Variants in AP2B1 observed in about 807,000 individuals in gnomAD.
AP2B1 encodes the protein adaptor related protein complex 2 subunit beta 1.
A neutral mutation model predicts 102.0 loss-of-function variants in AP2B1; 23 were observed. That is an observed-to-expected ratio of 0.23 (90% CI 0.16 to 0.32). AP2B1 has a LOEUF of 0.32. AP2B1 is among the 10% of genes least tolerant of loss of function. The probability of loss-of-function intolerance (pLI) is 1.00; values close to 1 mark genes in which losing one functional copy is unlikely to be tolerated. For missense variants in AP2B1, 541 were observed against 1,157.4 expected, an observed-to-expected ratio of 0.47 and a Z score of 7.73; for synonymous variants, 381 against 421.2, an observed-to-expected ratio of 0.90 and a Z score of 1.17.
chr17:35,617,620 G>T (rs1757303519), intron 5 of AP2B1, among the ~76,000 whole-genome samples: 1 of 152,116 alleles, frequency 6.6e-6, no homozygotes, highest in South Asian at 2.1e-4. Context: ...TACGTTTAAA[G>T]TAGTTCTCAA....
intron 1 of AP2B1, among the ~76,000 whole-genome samples, chr17:35,591,705 A>G (rs1053966957): frequency 6.6e-6 from 1 of 152,250 alleles, no homozygotes; most frequent in African/African-American, 2.4e-5. Flanking sequence ...AAATAACTTC[A>G]GATTTATTCC....
At position 35,606,672 on chromosome 17, in the gene AP2B1, A is replaced by G. The variant is rs530047973; in HGVS notation, c.279+832A>G. 9.9e-5 allele frequency among the ~76,000 whole-genome samples: 15 copies of G among 152,246 alleles called. No individual in the cohort carries two copies. The South Asian group carries it at 1.7e-3, about 17-fold the overall frequency. On this transcript the variant is annotated intron_variant, in intron 4 of 21. Coordinates refer to ENST00000610402, the MANE Select transcript of AP2B1 (RefSeq NM_001030006.2). ...CCACTCTTGTTTGTAATCCTCATAC[A>G]TATTTTCTGACCTCCAACCCCCTCT...
intron 2 of AP2B1, chr17:35,597,078 G>A (rs564242941): frequency 3.6e-6 from 2 of 550,702 alleles, no homozygotes; most frequent in East Asian, 4.0e-5. Flanking sequence ...ACCCCTGGGC[G>A]CCCCCGCTCC....
intron 14 of AP2B1, among the ~76,000 whole-genome samples, chr17:35,666,084 G>T (rs2075458054): frequency 6.6e-6 from 1 of 152,064 alleles, no homozygotes; most frequent in African/African-American, 2.4e-5. Flanking sequence ...ATTGCCATTG[G>T]ACAGGGGCAT....
chr17:35,645,886 A>G (rs1186754117), intron 12 of AP2B1, among the ~76,000 whole-genome samples: 1 of 152,068 alleles, frequency 6.6e-6, no homozygotes, highest in African/African-American at 2.4e-5. Context: ...AAATGTCTAG[A>G]CGTTAGTAAT....
intron 4 of AP2B1, 102 bp downstream of exon 4, chr17:35,605,942 G>A: frequency 2.4e-5 from 37 of 1,510,404 alleles, no homozygotes; most frequent in Non-Finnish European, 3.1e-5. Context: ...GACTAGGAAT[G>A]TTCATGTTTT....
At chr17:35,659,764 C>T in intron 14 of AP2B1, 1 of 980,696 alleles carries the variant, frequency 1.0e-6, no homozygotes, top group Non-Finnish European at 1.2e-6. Flanking sequence ...GGTGTTACAG[C>T]CCCAGAAATT....
intron 9 of AP2B1, among the ~76,000 whole-genome samples, chr17:35,630,903 A>G (rs1001164618): frequency 2.0e-5 from 3 of 152,178 alleles, no homozygotes; most frequent in Non-Finnish European, 4.4e-5. Flanking sequence ...TAACTGTTTC[A>G]GCCATGAAGG....
intron 9 of AP2B1, 22 bp from the exon 10 acceptor site, chr17:35,636,319 T>G: frequency 6.3e-7 from 1 of 1,577,520 alleles, no homozygotes; most frequent in African/African-American, 1.3e-5. Flanking sequence ...TGACTTCTCA[T>G]TTTTTGTATT....
intron 14 of AP2B1, among the ~76,000 whole-genome samples, chr17:35,669,454 T>C (rs2075541469): frequency 6.6e-6 from 1 of 152,154 alleles, no homozygotes; most frequent in South Asian, 2.1e-4. Flanking sequence ...GGATGATCTT[T>C]TTATTTATTT....
chr17:35,700,805 C>T (rs967514600), intron 18 of AP2B1, among the ~76,000 whole-genome samples: 6 of 152,014 alleles, frequency 3.9e-5, no homozygotes, highest in African/African-American at 1.5e-4. Flanking sequence ...GTTGTTCTTT[C>T]CTTAGCAGCC....
intron 21 of AP2B1, 139 bp downstream of exon 21, chr17:35,717,488 C>G: frequency 4.2e-6 from 4 of 960,414 alleles, no homozygotes; most frequent in Non-Finnish European, 6.2e-6. Flanking sequence ...AATGAAGAAG[C>G]TTCCATTTGC....
rs967933811 is a variant in AP2B1 at position 35,599,991 on chromosome 17, G to A, written c.143+1656G>A. Among the ~76,000 whole-genome samples the A allele has an allele frequency of 1.1e-4, 16 of 152,122 alleles. No homozygotes were observed. In the South Asian group the frequency reaches 2.3e-3, roughly 22 times the overall value. On this transcript the variant is annotated intron_variant, in intron 3 of 21. Coordinates refer to ENST00000610402, the MANE Select transcript of AP2B1 (RefSeq NM_001030006.2). ...TCAAGTACAAAAAGTTTATCGATAC[G>A]GCTTCAGATTCTATATTGCAACTAA...
intron 19 of AP2B1, among the ~76,000 whole-genome samples, chr17:35,709,771 A>C (rs1453538755): frequency 3.9e-5 from 6 of 152,118 alleles, no homozygotes; most frequent in African/African-American, 1.5e-4. Context: ...AGTAATTTGT[A>C]ATAAACCGTC....
chr17:35,632,428 C>G (rs1033691410), intron 9 of AP2B1, among the ~76,000 whole-genome samples: 1 of 152,150 alleles, frequency 6.6e-6, no homozygotes, highest in African/African-American at 2.4e-5. Flanking sequence ...AGCCACTGCA[C>G]CCAGCCCTTG....
At chr17:35,666,485 G>T (rs1410166364) in intron 14 of AP2B1, among the ~76,000 whole-genome samples, 1 of 152,142 alleles carries the variant, frequency 6.6e-6, no homozygotes, top group Non-Finnish European at 1.5e-5. Context: ...TCAATTCTCA[G>T]TATTTGAAAT....
At position 35,717,321 on chromosome 17, in the gene AP2B1, G is replaced by A; in HGVS notation, c.2753G>A (p.Arg918His). Residue 918 changes from arginine to histidine, a missense_variant, in exon 21 of 22, where the codon CGT (arginine) becomes CAT (histidine). By Grantham distance (29) the Arg-to-His change is conservative. Coordinates refer to ENST00000610402, the MANE Select transcript of AP2B1 (RefSeq NM_001030006.2). ...TNGIWILAELRIQPGNPNYTL... is the reference protein window; with the variant it reads ...TNGIWILAELHIQPGNPNYTL... ...GGCATTTGGATTTTGGCCGAACTAC[G>A]TATCCAGCCAGGAAACCCCAATTAC... 1 of 1,614,144 alleles carries A rather than the reference G, an allele frequency of 6.2e-7. No homozygotes were observed. Among genetic ancestry groups the A allele is most frequent in the Non-Finnish European group, 8.5e-7 (1 of 1,179,992 alleles).
intron 21 of AP2B1, among the ~76,000 whole-genome samples, chr17:35,720,553 A>G (rs1432422219): frequency 2.2e-5 from 1 of 45,308 alleles, no homozygotes; most frequent in Non-Finnish European, 4.5e-5. Context: ...ATTTATATAT[A>G]TATATATATA....
chr17:35,639,525 C>T lies in AP2B1; in HGVS notation c.1272-70C>T. 4.8e-6 allele frequency: 7 copies of T among 1,452,952 alleles called. No homozygotes were observed. The South Asian group carries it at 8.2e-5, about 17-fold the overall frequency. 90.0% of individuals were successfully genotyped at this position (1,452,952 alleles called of 1,614,324 possible). On this transcript the variant is annotated intron_variant, in intron 10 of 21. Transcript: ENST00000610402. ...TAGGGTCCCTTGTTTGTGGTTTTGC[C>T]TTTAGCCTTCACTGTTAAATTAGTT...
Sources: allele counts gnomAD v4.1 joint callset (sites outside exome capture counted in the v4.1 genomes callset), GRCh38; gene constraint gnomAD v4.1.1; transcripts MANE v1.5; gene names NCBI Gene and HGNC (gene_info 2026-07-23, HGNC 2026-07-21).